TANGO6: variants seen among roughly 807,000 people sequenced by gnomAD.
TANGO6 encodes transport and Golgi organization protein 6 homolog.
Under a neutral mutation model 114.2 loss-of-function variants are expected in TANGO6, and 90 were observed. The observed-to-expected ratio is 0.79, with a 90% CI of 0.66 to 0.94. The LOEUF (loss-of-function observed/expected upper bound fraction) is 0.94. Ranked by LOEUF, TANGO6 falls within the 40% of genes least tolerant of loss-of-function variation. The pLI is 0.00. For missense variants in TANGO6, 1,274 were observed against 1,315.3 expected (o/e 0.97, Z 0.49); for synonymous variants, 477 against 509.8 (o/e 0.94, Z 0.87).
chr16:68,928,920 T>G (rs9302594), intron 13 of TANGO6, among the ~76,000 whole-genome samples: 95,870 of 151,904 alleles, frequency 0.63, 32,107 homozygotes, highest in African/African-American at 0.88. Flanking sequence ...TTTTGTTTTG[T>G]TTTGTTTTGT....
intron 2 of TANGO6, among the ~76,000 whole-genome samples, chr16:68,862,350 C>T (rs948373871): frequency 1.3e-5 from 2 of 152,206 alleles, no homozygotes; most frequent in African/African-American, 4.8e-5. Flanking sequence ...GCACACACCA[C>T]CACGCCTGAC....
chr16:69,063,488 G>A (rs1960159557), intron 17 of TANGO6, among the ~76,000 whole-genome samples: 1 of 150,674 alleles, frequency 6.6e-6, no homozygotes, highest in South Asian at 2.1e-4. Context: ...TCGCGCCACC[G>A]CACTCCAGCC....
rs575207508 is a variant in TANGO6 at position 68,958,582 on chromosome 16, G to GA, written c.2702-15438dup. Among the ~76,000 whole-genome samples the GA allele has an allele frequency of 2.0e-3, 296 of 151,102 alleles. 1 individual carries two copies. The highest frequency in any genetic ancestry group is 6.6e-3 in the African/African-American group (270 of 41,172). On this transcript the variant is annotated intron_variant, in intron 14 of 17. Transcript: ENST00000261778. ...GGAAAGAAAAGAAAGGAAAGAAAAA[G>GA]AAAAAAAACCTCTTTTAATTGCAGA...
chr16:68,878,192 A>G lies in TANGO6; in HGVS notation c.1206A>G (p.Ile402Met). 6.2e-7 allele frequency: 1 copy of G among 1,613,502 alleles called. No individual in the cohort carries two copies. The highest frequency in any genetic ancestry group is 8.5e-7 in the Non-Finnish European group (1 of 1,179,726). Residue 402 changes from isoleucine (I) to methionine (M), a missense_variant, in exon 6 of 18, where the codon ATA becomes ATG. By Grantham distance (10) the Ile-to-Met change is conservative. This residue lies in a region of TANGO6 where 908 missense variants were observed against 910.2 expected (regional missense o/e 1.00). Coordinates refer to ENST00000261778, the MANE Select transcript of TANGO6 (RefSeq NM_024562.2). ...QFQRVATTTF[I>M]TLSRERPHLA... ...AGAGAGTTGCCACCACTACCTTTATAACTTTGTCAAGAGAACGCCCACATT... is the reference window on the plus strand; with the variant it reads ...AGAGAGTTGCCACCACTACCTTTATGACTTTGTCAAGAGAACGCCCACATT...
rs1011314174 is a variant in TANGO6 at position 68,973,865 on chromosome 16, T to G, written c.2702-163T>G. 5.4e-6 allele frequency: 4 copies of G among 735,344 alleles called. No individual in the cohort carries two copies. In the African/African-American group the frequency reaches 7.1e-5, roughly 13 times the overall value. The allele number at this position is 735,344 out of a possible 1,614,324, so 45.6% of individuals were successfully genotyped here. The stretch of plus-strand genomic sequence containing the variant: ...TCTCAACTACCAGGCCCATCTTCGT[T>G]CCACTCACTATGCTGACTCTCCAAA... On this transcript the variant is annotated intron_variant, in intron 14 of 17. Coordinates refer to ENST00000261778, the MANE Select transcript of TANGO6 (RefSeq NM_024562.2).
At chr16:68,879,078 A>T (rs1962415954) in intron 6 of TANGO6, among the ~76,000 whole-genome samples, 1 of 151,878 alleles carries the variant, frequency 6.6e-6, no homozygotes, top group African/African-American at 2.4e-5. Context: ...CCTTGCTCAA[A>T]ATAATAATAA....
chr16:69,003,321 G>T (rs1261389684), intron 15 of TANGO6, among the ~76,000 whole-genome samples: 1 of 152,096 alleles, frequency 6.6e-6, no homozygotes, highest in Non-Finnish European at 1.5e-5. Flanking sequence ...GAGGGAAAAA[G>T]AATAAATAAA....
chr16:69,045,209 C>CT lies in TANGO6; in HGVS notation c.3108+4791dup, dbSNP rs915853340. Among the ~76,000 whole-genome samples, 10 of 149,378 alleles carry CT rather than the reference C, an allele frequency of 6.7e-5. No individual in the cohort carries two copies. In the Admixed American group the frequency reaches 6.7e-4, roughly 10 times the overall value. On this transcript the variant is annotated intron_variant, in intron 17 of 17. Transcript: ENST00000261778. ...GCGACTCACACCTATAATCCCAGCA[C>CT]TTTGGGAGGCCGAGGCGGGCGGATC...
intron 15 of TANGO6, among the ~76,000 whole-genome samples, chr16:68,979,355 G>T (rs1006106510): frequency 6.6e-6 from 1 of 151,828 alleles, no homozygotes; most frequent in Non-Finnish European, 1.5e-5. Context: ...TCAGCCTCCC[G>T]AGTAGCTGGG....
chr16:68,860,662 G>T, intron 2 of TANGO6, 138 bp downstream of exon 2: 1 of 1,168,208 alleles, frequency 8.6e-7, no homozygotes, highest in Non-Finnish European at 1.2e-6. Flanking sequence ...ATGGATAAAT[G>T]AATCTTTTGG....
At chr16:68,969,655 C>T (rs1963683304) in intron 14 of TANGO6, among the ~76,000 whole-genome samples, 1 of 149,112 alleles carries the variant, frequency 6.7e-6, no homozygotes, top group Non-Finnish European at 1.5e-5. Flanking sequence ...TAAAAGCTCC[C>T]TAATGAGTTT....
chr16:68,952,379 A>C (rs570088140), intron 14 of TANGO6, among the ~76,000 whole-genome samples: 1 of 152,198 alleles, frequency 6.6e-6, no homozygotes, highest in Non-Finnish European at 1.5e-5. Flanking sequence ...CTAGAGGTGC[A>C]CCCTGCTTTT....
In TANGO6 at chr16:68,909,385, T is replaced by C; in HGVS notation, c.1975T>C (p.Phe659Leu). ...VLCERMSEQIFTNVTQVVDFV... is the reference protein window; with the variant it reads ...VLCERMSEQILTNVTQVVDFV... ...GTGCGAGAGAATGTCTGAGCAGATA[T>C]TCACAAACGTCACTCAGGTCAGTAG... The change falls in exon 11 of 18, where the codon TTC becomes CTC. Residue 659 changes from phenylalanine to leucine, a missense_variant. By Grantham distance (22) the Phe-to-Leu change is conservative. Transcript: ENST00000261778. 6.5e-7 allele frequency: 1 copy of C among 1,542,086 alleles called. No homozygotes were observed.
chr16:68,898,480 C>A (rs1411019501), intron 7 of TANGO6, among the ~76,000 whole-genome samples: 2 of 151,968 alleles, frequency 1.3e-5, no homozygotes, highest in Non-Finnish European at 2.9e-5. Context: ...TTGAGCTTCC[C>A]TTCCCTTCCT....
chr16:69,049,926 C>T (rs1959922413), intron 17 of TANGO6, among the ~76,000 whole-genome samples: 1 of 152,104 alleles, frequency 6.6e-6, no homozygotes, highest in Non-Finnish European at 1.5e-5. Context: ...ATGTTTGCAG[C>T]TGAATAAGAT....
At chr16:69,024,728 T>G (rs1278746763) in intron 16 of TANGO6, among the ~76,000 whole-genome samples, 2 of 152,210 alleles carry the variant, frequency 1.3e-5, no homozygotes, top group South Asian at 4.1e-4. Flanking sequence ...TTACTACCAA[T>G]GTACATGACC....
chr16:68,966,514 AAAAT>A (rs1963647365), intron 14 of TANGO6, among the ~76,000 whole-genome samples: 1 of 149,626 alleles, frequency 6.7e-6, no homozygotes, highest in South Asian at 2.1e-4. Flanking sequence ...AAAAAAAAAT[AAAAT>A]AAAATAAATA....
chr16:69,063,145 T>C (rs1462673225), intron 17 of TANGO6, among the ~76,000 whole-genome samples: 1 of 150,622 alleles, frequency 6.6e-6, no homozygotes, highest in Non-Finnish European at 1.5e-5. Context: ...GGAGAATCGC[T>C]TGAACCCAGA....
At chr16:68,868,699 G>A (rs574453308) in intron 4 of TANGO6, among the ~76,000 whole-genome samples, 2 of 151,966 alleles carry the variant, frequency 1.3e-5, no homozygotes, top group South Asian at 4.2e-4. Context: ...GGGTTTCACT[G>A]TGTTAGTCAG....
Sources: gnomAD v4.1 joint callset for allele counts (sites outside exome capture counted in the v4.1 genomes callset) on GRCh38, gnomAD v4.1.1 for gene constraint, gnomAD v4.1.1 regional missense constraint, MANE v1.5 for transcripts, NCBI Gene and HGNC (gene_info 2026-07-23, HGNC 2026-07-21) for gene names.